Variants in SPATA16 observed in about 807,000 individuals in gnomAD.
SPATA16 encodes spermatogenesis-associated protein 16.
SPATA16 carries 36 observed loss-of-function variants against 63.3 expected under a neutral mutation model. The observed-to-expected ratio is 0.57, with a 90% CI of 0.44 to 0.75. The LOEUF (loss-of-function observed/expected upper bound fraction) is 0.75, where lower values mean the gene tolerates loss of function less well. SPATA16 is among the 30% of genes least tolerant of loss of function. The probability of loss-of-function intolerance (pLI) is 0.00; values close to 1 mark genes in which losing one functional copy is unlikely to be tolerated. For missense variants in SPATA16, 646 were observed against 679.3 expected (o/e 0.95, Z 0.54); for synonymous variants, 203 against 216.7 (o/e 0.94, Z 0.56).
Position 172,977,029 on chromosome 3 carries a change from A to G in SPATA16, c.872T>C (p.Met291Thr). The change falls in exon 5 of 11, where the codon ATG becomes ACG. Residue 291 changes from methionine to threonine, a missense_variant. By Grantham distance (81) the Met-to-Thr change is moderately conservative. Coordinates refer to ENST00000351008, the MANE Select transcript of SPATA16 (RefSeq NM_031955.6). ...TTCCCTTCCTCCACCAAGCCAGAACATGTAGTCAGCAATCATGGCACTCCT... is the reference window on the plus strand; with the variant it reads ...TTCCCTTCCTCCACCAAGCCAGAACGTGTAGTCAGCAATCATGGCACTCCT... ...AARSAMIADY[M>T]FWLGGGREES... 1 of 1,611,136 alleles carries G rather than the reference A, an allele frequency of 6.2e-7. No homozygotes were observed. Among genetic ancestry groups the G allele is most frequent in the Non-Finnish European group, 8.5e-7 (1 of 1,179,392 alleles).
In SPATA16 at chr3:173,034,919, G is replaced by T. The variant is rs368685876; in HGVS notation, c.758+14030C>A. Among the ~76,000 whole-genome samples the T allele has an allele frequency of 6.6e-5, 10 of 152,180 alleles. 1 individual carries two copies. The highest frequency in any genetic ancestry group is 1.9e-4 in the East Asian group (1 of 5,186). ...TCTTTGTAATACACACTCCTTTCTT[G>T]ATTGACACCGATTATTAAATCTCTC... On this transcript the variant is annotated intron_variant, in intron 3 of 10. Transcript: ENST00000351008.
intron 4 of SPATA16, among the ~76,000 whole-genome samples, chr3:172,997,106 T>C (rs1428779208): frequency 2.6e-5 from 4 of 152,126 alleles, no homozygotes; most frequent in Non-Finnish European, 4.4e-5. Context: ...AGTGTGCAGG[T>C]TTTTGTGTGG....
chr3:173,052,110 T>C (rs1736114283), intron 2 of SPATA16, among the ~76,000 whole-genome samples: 2 of 152,172 alleles, frequency 1.3e-5, no homozygotes, highest in East Asian at 1.9e-4. Context: ...CGTGGGATAA[T>C]GTGGAAGTCA....
intron 2 of SPATA16, among the ~76,000 whole-genome samples, chr3:173,098,258 T>C (rs1307695079): frequency 6.6e-6 from 1 of 152,180 alleles, no homozygotes; most frequent in Non-Finnish European, 1.5e-5. Context: ...TGAGGCTGTA[T>C]TTTTAACTCC....
chr3:173,032,494 A>G (rs889359657), intron 3 of SPATA16, among the ~76,000 whole-genome samples: 2 of 152,114 alleles, frequency 1.3e-5, no homozygotes, highest in African/African-American at 2.4e-5. Flanking sequence ...GACAGAATTT[A>G]TAATTATACA....
Position 172,916,398 on chromosome 3 carries a change from C to G in SPATA16, c.1422G>C (p.Gln474His), listed in dbSNP as rs1228832531. The G allele has an allele frequency of 6.2e-7, 1 of 1,613,792 alleles. No individual in the cohort carries two copies. The highest frequency in any genetic ancestry group is 2.2e-5 in the East Asian group (1 of 44,892). The stretch of plus-strand genomic sequence containing the variant: ...CCATTGCTTGATTAATCACCTGGGA[C>G]TGCTCCTTTACTCTCTGCAGCTGGC... Reference protein sequence around the residue: ...LLSQLQRVKEQSQVINQAMAE... With the variant: ...LLSQLQRVKEHSQVINQAMAE... The change falls in exon 9 of 11, where the codon CAG becomes CAC. Residue 474 changes from glutamine (Q) to histidine (H), a missense_variant. Physicochemically the swap from Gln to His is conservative, Grantham distance 24 (BLOSUM62 0). Transcript: ENST00000351008.
At chr3:173,118,044 T>C (rs1448426905) in intron 1 of SPATA16, among the ~76,000 whole-genome samples, 1 of 152,106 alleles carries the variant, frequency 6.6e-6, no homozygotes, top group Non-Finnish European at 1.5e-5. Flanking sequence ...TCCAAACTCA[T>C]TGAATAGGAA....
At chr3:173,022,743 T>TG (rs1395422199) in intron 3 of SPATA16, among the ~76,000 whole-genome samples, 14 of 143,026 alleles carry the variant, frequency 9.8e-5, no homozygotes, top group Admixed American at 4.9e-4. Context: ...GCAGTTACAG[T>TG]GAAAAAAAAA....
chr3:173,066,862 GA>G (rs1736533808), intron 2 of SPATA16, among the ~76,000 whole-genome samples: 1 of 152,050 alleles, frequency 6.6e-6, no homozygotes, highest in Non-Finnish European at 1.5e-5. Flanking sequence ...AGAGATATGT[GA>G]ACTTTCAGAC....
Position 172,918,162 on chromosome 3 carries a change from C to G in SPATA16, c.1339-1681G>C, listed in dbSNP as rs1732537417. Among the ~76,000 whole-genome samples, 3 of 152,172 alleles carry G rather than the reference C, an allele frequency of 2.0e-5. No homozygotes were observed. The South Asian group carries it at 6.2e-4, about 31-fold the overall frequency. ...AAACATGTAGCTAAACAATGGCATT[C>G]TGTCAAATAGAGGAAAGCAAGTTGG... On this transcript the variant is annotated intron_variant, in intron 8 of 10. Coordinates refer to ENST00000351008, the MANE Select transcript of SPATA16 (RefSeq NM_031955.6).
intron 5 of SPATA16, among the ~76,000 whole-genome samples, chr3:172,959,392 C>T (rs1424323943): frequency 2.0e-5 from 3 of 152,184 alleles, no homozygotes; most frequent in Non-Finnish European, 4.4e-5. Context: ...TGCCTTCAGG[C>T]CTTAACAGGG....
chr3:173,087,283 C>T (rs1052705555), intron 2 of SPATA16, among the ~76,000 whole-genome samples: 6 of 152,086 alleles, frequency 3.9e-5, no homozygotes, highest in African/African-American at 9.7e-5. Flanking sequence ...ATGCAATGCC[C>T]GTCTTTGTCT....
chr3:172,913,693 T>C lies in SPATA16; in HGVS notation c.1555A>G (p.Asn519Asp), dbSNP rs2109562223. ...ATCATATTCCACACACGTTCATTAT[T>C]GTTTCTTCTTCCTTCAAGGGTGTCC... The part of the protein sequence containing the change: ...AMDTLEGRRN[N>D]NERVWNMIQK... The change falls in exon 10 of 11, where the codon AAT becomes GAT. Residue 519 changes from asparagine to aspartate, a missense_variant. Asn to Asp is a conservative substitution (Grantham distance 23). Coordinates refer to ENST00000351008, the MANE Select transcript of SPATA16 (RefSeq NM_031955.6). 1 of 1,613,856 alleles carries C rather than the reference T, an allele frequency of 6.2e-7. No individual in the cohort carries two copies. The highest frequency in any genetic ancestry group is 8.5e-7 in the Non-Finnish European group (1 of 1,179,820).
intron 2 of SPATA16, among the ~76,000 whole-genome samples, chr3:173,055,727 C>T (rs1736206253): frequency 6.6e-6 from 1 of 151,738 alleles, no homozygotes; most frequent in Non-Finnish European, 1.5e-5. Flanking sequence ...AGACATAATA[C>T]ACACACACAT....
intron 5 of SPATA16, among the ~76,000 whole-genome samples, chr3:172,969,007 C>T (rs1052388571): frequency 6.6e-6 from 1 of 152,168 alleles, no homozygotes; most frequent in Non-Finnish European, 1.5e-5. Context: ...TTTAGTCTGT[C>T]TTCTAATTGA....
At chr3:173,107,121 C>T (rs1737638647) in intron 2 of SPATA16, among the ~76,000 whole-genome samples, 1 of 152,048 alleles carries the variant, frequency 6.6e-6, no homozygotes, top group Non-Finnish European at 1.5e-5. Context: ...TTTCTAAAAC[C>T]TGACTCAAAT....
chr3:172,985,455 A>G (rs1178592126), intron 4 of SPATA16, among the ~76,000 whole-genome samples: 3 of 152,208 alleles, frequency 2.0e-5, no homozygotes, highest in African/African-American at 4.8e-5. Flanking sequence ...GCCGATCTCT[A>G]TGAGCTTCCA....
At chr3:173,042,512 G>T (rs1054528544) in intron 3 of SPATA16, among the ~76,000 whole-genome samples, 1 of 151,980 alleles carries the variant, frequency 6.6e-6, no homozygotes, top group Non-Finnish European at 1.5e-5. Context: ...AGGCAGAAAG[G>T]CATTTTAAAA....
In SPATA16 at chr3:173,049,095, C is replaced by A. The variant is rs143938872; in HGVS notation, c.613-1G>T. 6.2e-7 allele frequency: 1 copy of A among 1,610,742 alleles called. No homozygotes were observed. Among genetic ancestry groups the A allele is most frequent in the African/African-American group, 1.3e-5 (1 of 74,876 alleles). On this transcript the variant is annotated splice_acceptor_variant, in intron 2 of 10. Coordinates refer to ENST00000351008, the MANE Select transcript of SPATA16 (RefSeq NM_031955.6). LOFTEE classifies it high-confidence loss of function. The stretch of plus-strand genomic sequence containing the variant: ...CCAGAACTGCTCCTTTGCTGCAAAG[C>A]TTTAAAAAATATAGTACTTTCAACA...
Sources: gnomAD v4.1 joint callset for allele counts (sites outside exome capture counted in the v4.1 genomes callset) on GRCh38, gnomAD v4.1.1 for gene constraint, MANE v1.5 for transcripts, NCBI Gene and HGNC (gene_info 2026-07-23, HGNC 2026-07-21) for gene names.